AGBL4: variants seen among roughly 807,000 people sequenced by gnomAD.
The protein encoded by AGBL4 is AGBL carboxypeptidase 4.
In AGBL4, 58 loss-of-function variants were observed where a neutral mutation model predicts 66.4. The ratio of observed to expected loss-of-function variants is 0.87; its 90% confidence interval spans 0.71 to 1.09. AGBL4 has a LOEUF of 1.09. Ranked by LOEUF, AGBL4 falls within the 50% of genes least tolerant of loss-of-function variation. AGBL4 has a pLI of 0.00. For missense variants in AGBL4, 579 were observed against 631.0 expected, an observed-to-expected ratio of 0.92 and a Z score of 0.88; for synonymous variants, 234 against 222.9, an observed-to-expected ratio of 1.05 and a Z score of -0.44.
intron 4 of AGBL4, among the ~76,000 whole-genome samples, chr1:49,224,300 C>G (rs1241334232): frequency 6.6e-6 from 1 of 152,094 alleles, no homozygotes; most frequent in Non-Finnish European, 1.5e-5. Context: ...TGAAAGCTCA[C>G]ACACCAGGCC....
chr1:48,911,687 C>T (rs1470650465), intron 5 of AGBL4, among the ~76,000 whole-genome samples: 1 of 151,410 alleles, frequency 6.6e-6, no homozygotes, highest in African/African-American at 2.4e-5. Context: ...CAGGAGATTG[C>T]ATGACAGATA....
Position 49,226,749 on chromosome 1 carries a change from CT to C in AGBL4, c.377+19020del, listed in dbSNP as rs1229856459. Reference sequence around the variant, plus strand: ...CCCCTTTTTTCCCAATCACTAGGTCCTTCCTTAAATTCAAATTTCTATCTTT... The same window carrying C: ...CCCCTTTTTTCCCAATCACTAGGTCCTCCTTAAATTCAAATTTCTATCTTT... On this transcript the variant is annotated intron_variant, in intron 4 of 13. Coordinates refer to ENST00000371839, the MANE Select transcript of AGBL4 (RefSeq NM_032785.4). 3.3e-5 allele frequency among the ~76,000 whole-genome samples: 5 copies of C among 152,288 alleles called. No individual in the cohort carries two copies. In the South Asian group the frequency reaches 6.2e-4, roughly 19 times the overall value.
chr1:49,091,061 C>T (rs1644994903), intron 4 of AGBL4, among the ~76,000 whole-genome samples: 1 of 152,074 alleles, frequency 6.6e-6, no homozygotes. Flanking sequence ...TGGACCTCTT[C>T]CTTACACCAT....
intron 2 of AGBL4, chr1:49,841,720 TG>T: frequency 3.9e-6 from 1 of 257,990 alleles, no homozygotes; most frequent in South Asian, 5.1e-5. Flanking sequence ...AGAGGTGACT[TG>T]GGTGCTGTTA....
chr1:48,815,855 T>G (rs1646161308), intron 6 of AGBL4, among the ~76,000 whole-genome samples: 1 of 152,204 alleles, frequency 6.6e-6, no homozygotes, highest in South Asian at 2.1e-4. Flanking sequence ...CTAATGTTAT[T>G]AGCTGTTAAT....
At chr1:48,547,544 T>C (rs1205162670) in intron 11 of AGBL4, among the ~76,000 whole-genome samples, 2 of 151,988 alleles carry the variant, frequency 1.3e-5, no homozygotes, top group African/African-American at 4.8e-5. Context: ...GTTCGGAGCA[T>C]GTTGGGTTTG....
At chr1:49,690,440 G>C (rs1231258118) in intron 3 of AGBL4, among the ~76,000 whole-genome samples, 1 of 152,098 alleles carries the variant, frequency 6.6e-6, no homozygotes, top group Non-Finnish European at 1.5e-5. Context: ...TTACTACAGT[G>C]AGCATTCCTA....
At chr1:48,531,553 A>G (rs1643906756), downstream of AGBL4, among the ~76,000 whole-genome samples, 2 of 152,142 alleles carry the variant, frequency 1.3e-5, no homozygotes, top group South Asian at 4.1e-4. Flanking sequence ...TGGCAATTCA[A>G]TTCACTAGAA....
At chr1:49,095,259 T>A (rs1197943205) in intron 4 of AGBL4, among the ~76,000 whole-genome samples, 1 of 152,112 alleles carries the variant, frequency 6.6e-6, no homozygotes, top group East Asian at 1.9e-4. Context: ...ACCATACTGC[T>A]CAAGGTAATT....
chr1:48,629,954 T>A (rs1402471751), intron 9 of AGBL4, among the ~76,000 whole-genome samples: 2 of 152,202 alleles, frequency 1.3e-5, no homozygotes, highest in East Asian at 3.9e-4. Context: ...CTAGGTTCGC[T>A]TCATCATTTG....
intron 1 of AGBL4, among the ~76,000 whole-genome samples, chr1:50,013,529 T>A (rs919929260): frequency 3.9e-5 from 6 of 152,228 alleles, no homozygotes; most frequent in Admixed American, 1.3e-4. Context: ...ATAGGAAAGT[T>A]TAAAACATTT....
At chr1:48,848,753 C>T (rs1222915148) in intron 6 of AGBL4, among the ~76,000 whole-genome samples, 2 of 152,164 alleles carry the variant, frequency 1.3e-5, no homozygotes, top group Non-Finnish European at 2.9e-5. Flanking sequence ...AATGCTGCTG[C>T]ACACTCATTA....
intron 6 of AGBL4, among the ~76,000 whole-genome samples, chr1:48,708,207 C>A (rs1646910108): frequency 6.6e-6 from 1 of 152,160 alleles, no homozygotes; most frequent in African/African-American, 2.4e-5. Flanking sequence ...CCAGCCCACA[C>A]CCAGGCTCAA....
intron 3 of AGBL4, among the ~76,000 whole-genome samples, chr1:49,402,913 G>C (rs1218040189): frequency 3.9e-5 from 6 of 152,162 alleles, no homozygotes; most frequent in Non-Finnish European, 5.9e-5. Context: ...CTAACATATG[G>C]TCTATCCTTG....
chr1:49,540,263 T>C (rs896546845), intron 3 of AGBL4, among the ~76,000 whole-genome samples: 33 of 152,220 alleles, frequency 2.2e-4, no homozygotes, highest in Non-Finnish European at 4.6e-4. Context: ...ATATATCTTA[T>C]CTTTTTATTC....
At chr1:49,662,358 C>T (rs1392731097) in intron 3 of AGBL4, among the ~76,000 whole-genome samples, 1 of 151,968 alleles carries the variant, frequency 6.6e-6, no homozygotes, top group African/African-American at 2.4e-5. Context: ...GTCTTCCACT[C>T]AGCCTTTTCC....
chr1:49,013,927 T>C (rs1486526710), intron 5 of AGBL4, among the ~76,000 whole-genome samples: 3 of 152,220 alleles, frequency 2.0e-5, no homozygotes, highest in East Asian at 1.9e-4. Context: ...CATTTCTATT[T>C]GTCCACCCCT....
At chr1:48,777,541 C>T (rs1394065806) in intron 6 of AGBL4, among the ~76,000 whole-genome samples, 1 of 152,088 alleles carries the variant, frequency 6.6e-6, no homozygotes, top group African/African-American at 2.4e-5. Context: ...AAACTGCCAG[C>T]TCCCTCTGTG....
At chr1:49,257,672 C>T (rs568202857) in intron 3 of AGBL4, among the ~76,000 whole-genome samples, 1 of 152,338 alleles carries the variant, frequency 6.6e-6, no homozygotes, top group Non-Finnish European at 1.5e-5. Context: ...TGCGCTGCAC[C>T]CACTGTCCTG....
Sources: gnomAD v4.1 joint callset for allele counts (sites outside exome capture counted in the v4.1 genomes callset) on GRCh38, gnomAD v4.1.1 for gene constraint, MANE v1.5 for transcripts, NCBI Gene and HGNC (gene_info 2026-07-23, HGNC 2026-07-21) for gene names.